SLC22A25: variants seen among roughly 807,000 people sequenced by gnomAD.
The protein encoded by SLC22A25 is solute carrier family 22 member 25.
A neutral mutation model predicts 45.9 loss-of-function variants in SLC22A25; 44 were observed. That is an observed-to-expected ratio of 0.96 (90% confidence interval 0.75 to 1.23). The LOEUF is 1.23. SLC22A25 is among the 50% of genes most tolerant of loss of function. The pLI is 0.00. For missense variants in SLC22A25, 800 were observed against 666.4 expected (o/e 1.20, Z -2.21); for synonymous variants, 283 against 238.6 (o/e 1.19, Z -1.72).
intron 7 of SLC22A25, among the ~76,000 whole-genome samples, chr11:63,193,668 T>C (rs1470873138): frequency 6.6e-6 from 1 of 152,152 alleles, no homozygotes; most frequent in East Asian, 1.9e-4. Context: ...GTCACCATCA[T>C]CAAAGATCAA....
In SLC22A25 at chr11:63,229,672, C is replaced by T. The variant is rs752216155; in HGVS notation, c.-20G>A. The T allele has an allele frequency of 6.3e-7, 1 of 1,586,522 alleles. No homozygotes were observed. The highest frequency in any genetic ancestry group is 8.6e-7 in the Non-Finnish European group (1 of 1,160,806). ...GGCCATTGAGGCTGGACAAGTGATCCCCAAGAGGAGACAAAATGACTGTAT... is the reference window on the plus strand; with the variant it reads ...GGCCATTGAGGCTGGACAAGTGATCTCCAAGAGGAGACAAAATGACTGTAT... On this transcript the variant is annotated 5_prime_UTR_variant, in exon 4 of 12. Transcript: ENST00000306494.
intron 5 of SLC22A25, chr11:63,219,831 AGAGAGCT>A: frequency 1.0e-6 from 1 of 986,028 alleles, no homozygotes; most frequent in South Asian, 1.3e-5. Context: ...GCACTGTCCC[AGAGAGCT>A]GGGTTACTGG....
intron 5 of SLC22A25, among the ~76,000 whole-genome samples, chr11:63,222,663 T>C (rs2089878107): frequency 6.6e-6 from 1 of 152,106 alleles, no homozygotes; most frequent in Non-Finnish European, 1.5e-5. Context: ...CTATTTTAAA[T>C]GGCAAGGGTG....
intron 7 of SLC22A25, among the ~76,000 whole-genome samples, chr11:63,200,635 A>G (rs961565805): frequency 1.3e-5 from 2 of 152,148 alleles, no homozygotes; most frequent in African/African-American, 4.8e-5. Flanking sequence ...CCTATTCAAC[A>G]TAGTATTGGA....
At chr11:63,224,870 T>A (rs1008050695) in intron 5 of SLC22A25, among the ~76,000 whole-genome samples, 3 of 151,874 alleles carry the variant, frequency 2.0e-5, no homozygotes, top group Non-Finnish European at 4.4e-5. Context: ...GAGGCAGAGG[T>A]GGGTGGAACT....
chr11:63,168,671 A>T (rs1483227156), intron 9 of SLC22A25, among the ~76,000 whole-genome samples: 2 of 152,212 alleles, frequency 1.3e-5, no homozygotes, highest in Non-Finnish European at 2.9e-5. Flanking sequence ...ACTCTGTGAA[A>T]AGACCAAATC....
In SLC22A25 at chr11:63,166,243, G is replaced by A; in HGVS notation, c.1086C>T (p.Ile362=). The change falls in exon 10 of 12, where the codon ATC becomes ATT. Residue 362 remains isoleucine (I), a synonymous_variant. Coordinates refer to ENST00000306494, the MANE Select transcript of SLC22A25 (RefSeq NM_199352.6). The stretch of plus-strand genomic sequence containing the variant: ...GGTGCAAAGTAAGGCCCCAAAAAGG[G>A]ATGGTACTTGCAAATCTGCAGGGAA... ...FLSFVRFAST[I]PFWGLTLHLQ... 1 of 1,613,928 alleles carries A rather than the reference G, an allele frequency of 6.2e-7. No individual in the cohort carries two copies. The highest frequency in any genetic ancestry group is 1.1e-5 in the South Asian group (1 of 91,070).
chr11:63,188,181 T>C (rs1020300179), intron 7 of SLC22A25, among the ~76,000 whole-genome samples: 14 of 152,260 alleles, frequency 9.2e-5, no homozygotes, highest in Middle Eastern at 3.4e-3. Context: ...GTCCTGGACT[T>C]TTTTTGGTTG....
chr11:63,174,919 T>C (rs980072730), intron 9 of SLC22A25, among the ~76,000 whole-genome samples: 1 of 152,136 alleles, frequency 6.6e-6, no homozygotes, highest in Non-Finnish European at 1.5e-5. Flanking sequence ...ATATTTAACT[T>C]AGCATAATGT....
Position 63,229,415 on chromosome 11 carries a change from C to A in SLC22A25, c.238G>T (p.Asp80Tyr). Reference protein sequence around the residue: ...DALLRISIPFDSNLRPEKCRR... With the variant: ...DALLRISIPFYSNLRPEKCRR... The stretch of plus-strand genomic sequence containing the variant: ...CACTTCTCTGGCCTCAGATTTGAGT[C>A]GAATGGGATGGAGATTCTCAGGAGG... The change falls in exon 4 of 12, where the codon GAC becomes TAC. Residue 80 changes from aspartate (D) to tyrosine (Y), a missense_variant. Asp to Tyr is a radical substitution (Grantham distance 160, BLOSUM62 -3). Coordinates refer to ENST00000306494, the MANE Select transcript of SLC22A25 (RefSeq NM_199352.6). 6.2e-7 allele frequency: 1 copy of A among 1,612,020 alleles called. No homozygotes were observed. The highest frequency in any genetic ancestry group is 8.5e-7 in the Non-Finnish European group (1 of 1,178,220).
intron 5 of SLC22A25, among the ~76,000 whole-genome samples, chr11:63,227,978 C>T (rs2089995272): frequency 6.6e-6 from 1 of 152,236 alleles, no homozygotes; most frequent in African/African-American, 2.4e-5. Flanking sequence ...CACAGATTCT[C>T]TGTGCCACAT....
chr11:63,238,712 CT>C lies in SLC22A25; in HGVS notation c.-577+4del. 1 of 194,252 alleles carries C rather than the reference CT, an allele frequency of 5.1e-6. No individual in the cohort carries two copies. The highest frequency in any genetic ancestry group is 1.2e-5 in the Non-Finnish European group (1 of 85,978). The allele number at this position is 194,252 out of a possible 1,614,324, so 12.0% of individuals were successfully genotyped here. On this transcript the variant is annotated splice_donor_region_variant and intron_variant, in intron 2 of 11. Transcript: ENST00000306494. ...TGTATGTAGGAGGAAATTGGGGCCT[CT>C]TACCCAGTCACGATGGTGGAGAGGA... is the stretch of plus-strand genomic sequence containing the variant.
chr11:63,204,795 T>C (rs1590861302), intron 7 of SLC22A25, among the ~76,000 whole-genome samples: 1 of 152,182 alleles, frequency 6.6e-6, no homozygotes, highest in Non-Finnish European at 1.5e-5. Flanking sequence ...TGAACTCAGC[T>C]CTGCACCAAG....
intron 8 of SLC22A25, 135 bp from the exon 9 acceptor site, chr11:63,180,910 T>C: frequency 1.7e-6 from 1 of 597,952 alleles, no homozygotes; most frequent in Non-Finnish European, 3.0e-6. Flanking sequence ...GGCTTAAAAA[T>C]GCAATGGCAA....
At chr11:63,182,408 T>G (rs2088362262) in intron 8 of SLC22A25, among the ~76,000 whole-genome samples, 3 of 151,690 alleles carry the variant, frequency 2.0e-5, no homozygotes, top group South Asian at 4.2e-4. Context: ...GTAGGTCACA[T>G]GCTAGGTGTG....
chr11:63,194,160 T>G (rs1047437047), intron 7 of SLC22A25, among the ~76,000 whole-genome samples: 3 of 151,884 alleles, frequency 2.0e-5, no homozygotes, highest in African/African-American at 7.3e-5. Flanking sequence ...AATATGTGAC[T>G]GTGTGAAAAG....
intron 7 of SLC22A25, among the ~76,000 whole-genome samples, chr11:63,210,974 G>C (rs183039393): frequency 2.1e-4 from 32 of 152,296 alleles, no homozygotes; most frequent in African/African-American, 7.7e-4. Context: ...AGATAGAGGT[G>C]CTAAAGGCAA....
intron 7 of SLC22A25, among the ~76,000 whole-genome samples, chr11:63,208,596 G>T (rs2089472139): frequency 6.6e-6 from 1 of 152,076 alleles, no homozygotes; most frequent in South Asian, 2.1e-4. Flanking sequence ...GCCTAACTAG[G>T]CTCACCTGGG....
At chr11:63,205,993 C>T (rs535266910) in intron 7 of SLC22A25, among the ~76,000 whole-genome samples, 22 of 151,304 alleles carry the variant, frequency 1.5e-4, no homozygotes, top group Non-Finnish European at 2.2e-4. Flanking sequence ...GCTGGTTCCA[C>T]GTAAGCAAAT....
Sources: allele counts gnomAD v4.1 joint callset (sites outside exome capture counted in the v4.1 genomes callset), GRCh38; gene constraint gnomAD v4.1.1; transcripts MANE v1.5; gene names NCBI Gene and HGNC (gene_info 2026-07-23, HGNC 2026-07-21).